Variants in CCDC191 observed in about 807,000 individuals in gnomAD.
The protein encoded by CCDC191 is coiled-coil domain-containing protein 191.
CCDC191 carries 99 observed loss-of-function variants against 114.0 expected under a neutral mutation model. That is an observed-to-expected ratio of 0.87 (90% confidence interval 0.74 to 1.03). The LOEUF (loss-of-function observed/expected upper bound fraction) is 1.03, where lower values mean the gene tolerates loss of function less well. Among genes scored for constraint, CCDC191 ranks in the 50% least tolerant of loss-of-function variants. The pLI, the probability that CCDC191 is intolerant of heterozygous loss-of-function variation, is 0.00. For missense variants in CCDC191, 973 were observed against 1,087.0 expected (o/e 0.90, Z 1.47); for synonymous variants, 351 against 376.0 (o/e 0.93, Z 0.77).
chr3:113,998,306 CAAAAAAAA>C (rs61430954), intron 13 of CCDC191, among the ~76,000 whole-genome samples: 1 of 82,632 alleles, frequency 1.2e-5, no homozygotes, highest in African/African-American at 4.7e-5. Context: ...AACTCTGCTT[CAAAAAAAA>C]AAAAAAAAAA....
Sources: allele counts gnomAD v4.1 joint callset (sites outside exome capture counted in the v4.1 genomes callset), GRCh38; gene constraint gnomAD v4.1.1; transcripts MANE v1.5; gene names NCBI Gene and HGNC (gene_info 2026-07-23, HGNC 2026-07-21).